The following LYRM2 variants were observed in gnomAD, a reference collection of about 807,000 sequenced individuals.
LYRM2 encodes the protein LYR motif containing 2.
A neutral mutation model predicts 11.6 loss-of-function variants in LYRM2; 8 were observed. That is an observed-to-expected ratio of 0.69 (90% CI 0.40 to 1.24). The LOEUF is 1.24. Among genes scored for constraint, LYRM2 ranks in the 50% most tolerant of loss-of-function variants. LYRM2 has a pLI of 0.01. For synonymous variants in LYRM2, 30 were observed against 36.4 expected, an observed-to-expected ratio of 0.83 and a Z score of 0.63; for missense variants, 117 against 102.9, an observed-to-expected ratio of 1.14 and a Z score of -0.59.
chr6:89,637,309 C>T lies in LYRM2; in HGVS notation c.231G>A (p.Lys77=). The change falls in exon 3 of 3, where the codon AAG becomes AAA. Residue 77 remains lysine, a synonymous_variant. Transcript: ENST00000523377. Reference sequence around the variant, plus strand: ...CTAAAGCAAGTGTTTTTTCTAACTCCTTGAGCTGCATATTGCCTTGAGTAA... The same window carrying T: ...CTAAAGCAAGTGTTTTTTCTAACTCTTTGAGCTGCATATTGCCTTGAGTAA... The part of the protein sequence containing the change: ...MMITQGNMQL[K]ELEKTLALAK... The T allele has an allele frequency of 6.2e-7, 1 of 1,603,524 alleles. No individual in the cohort carries two copies. The highest frequency in any genetic ancestry group is 8.5e-7 in the Non-Finnish European group (1 of 1,170,938).
At position 89,634,769 on chromosome 6, in the gene LYRM2, T is replaced by C. The variant is rs1477533485; in HGVS notation, c.*2504A>G. On this transcript the variant is annotated 3_prime_UTR_variant, in exon 3 of 3. Coordinates refer to ENST00000523377, the MANE Select transcript of LYRM2 (RefSeq NM_020466.5). Reference sequence around the variant, plus strand: ...TATGGCAATGCTTGTACCATGAATTTAAAACTTCTAACTTGATGGCACTTT... The same window carrying C: ...TATGGCAATGCTTGTACCATGAATTCAAAACTTCTAACTTGATGGCACTTT... 1 of 152,270 alleles carries C rather than the reference T, an allele frequency of 6.6e-6. No individual in the cohort carries two copies. Among genetic ancestry groups the C allele is most frequent in the East Asian group, 1.9e-4 (1 of 5,204 alleles). 9.4% of individuals were successfully genotyped at this position (152,270 alleles called of 1,614,324 possible).
chr6:89,636,571 CCCA>C lies in LYRM2; in HGVS notation c.*699_*701del, dbSNP rs1284407284. The C allele has an allele frequency of 6.6e-6, 1 of 152,186 alleles. No individual in the cohort carries two copies. Among genetic ancestry groups the C allele is most frequent in the Admixed American group, 6.5e-5 (1 of 15,280 alleles). 9.4% of individuals were successfully genotyped at this position (152,186 alleles called of 1,614,324 possible). A position where few individuals can be genotyped will look rare whatever the true frequency, so the allele number is the denominator to read the frequency against. On this transcript the variant is annotated 3_prime_UTR_variant, in exon 3 of 3. Coordinates refer to ENST00000523377, the MANE Select transcript of LYRM2 (RefSeq NM_020466.5). ...TGAAGTGGCTACACCATTTTACATT[CCCA>C]CCAGCAATGTATGAGGGTTCTGTAA...
Position 89,632,824 on chromosome 6 carries a change from T to TATC in LYRM2, c.*4446_*4448dup, listed in dbSNP as rs903902245. ...TTTCTAAATCTATTCTCAAACAGGA[T>TATC]ATCACTAACCTCTTTAGAATCATTC... On this transcript the variant is annotated 3_prime_UTR_variant, in exon 3 of 3. Coordinates refer to ENST00000523377, the MANE Select transcript of LYRM2 (RefSeq NM_020466.5). 13 of 152,210 alleles carry TATC rather than the reference T, an allele frequency of 8.5e-5. No homozygotes were observed. Among genetic ancestry groups the TATC allele is most frequent in the Non-Finnish European group, 1.6e-4 (11 of 68,026 alleles). 9.4% of individuals were successfully genotyped at this position (152,210 alleles called of 1,614,324 possible).
intron 1 of LYRM2, chr6:89,638,239 C>T: frequency 9.0e-7 from 1 of 1,107,182 alleles, no homozygotes; most frequent in Non-Finnish European, 1.1e-6. Flanking sequence ...TCTGTCAAAC[C>T]TAAGAACCAT....
At chr6:89,637,642 A>G in intron 2 of LYRM2, 100 bp downstream of exon 2, 1 of 1,114,466 alleles carries the variant, frequency 9.0e-7, no homozygotes. Flanking sequence ...ATACCAGCTC[A>G]GTGGCACTAT....
chr6:89,637,653 A>G, intron 2 of LYRM2, 89 bp downstream of exon 2: 2 of 1,325,618 alleles, frequency 1.5e-6, no homozygotes, highest in Non-Finnish European at 2.1e-6. Context: ...GTGGCACTAT[A>G]TTCCAAGATG....
chr6:89,637,764 C>G lies in LYRM2; in HGVS notation c.164G>C (p.Arg55Thr). 6.2e-7 allele frequency: 1 copy of G among 1,613,770 alleles called. No individual in the cohort carries two copies. The highest frequency in any genetic ancestry group is 8.5e-7 in the Non-Finnish European group (1 of 1,179,860). ...CACCTCTTCGGTGGCACTTTTGTTT[C>G]TTCTGAATTCTTCTCTTGCCCAATC... ...LKDWAREEFRRNKSATEEDTI... is the reference protein window; with the variant it reads ...LKDWAREEFRTNKSATEEDTI... Residue 55 changes from arginine to threonine, a missense_variant, in exon 2 of 3, where the codon AGA becomes ACA. Arg to Thr is a moderately conservative substitution (Grantham distance 71). Coordinates refer to ENST00000523377, the MANE Select transcript of LYRM2 (RefSeq NM_020466.5).
At position 89,636,203 on chromosome 6, in the gene LYRM2, A is replaced by G. The variant is rs976207255; in HGVS notation, c.*1070T>C. On this transcript the variant is annotated 3_prime_UTR_variant, in exon 3 of 3. Coordinates refer to ENST00000523377, the MANE Select transcript of LYRM2 (RefSeq NM_020466.5). ...AATGTACAGTTCAGTGGATTTGAAT[A>G]TATTCAAGAGTTGTGCAGCCTACAC... is the stretch of plus-strand genomic sequence containing the variant. 1.5e-4 allele frequency: 23 copies of G among 152,232 alleles called. No homozygotes were observed. The highest frequency in any genetic ancestry group is 5.1e-4 in the African/African-American group (21 of 41,460). 9.4% of individuals were successfully genotyped at this position (152,232 alleles called of 1,614,324 possible). A position where few individuals can be genotyped will look rare whatever the true frequency, so the allele number is the denominator to read the frequency against.
rs986959589 is a variant in LYRM2, at chr6:89,633,016, G to T, written c.*4257C>A. On this transcript the variant is annotated 3_prime_UTR_variant, in exon 3 of 3. Transcript: ENST00000523377. The stretch of plus-strand genomic sequence containing the variant: ...CTGAAAACTAAATTTTAAGTATCAA[G>T]TCTAGACCATAGAGTGCTTTGGTGG... 1 of 152,202 alleles carries T rather than the reference G, an allele frequency of 6.6e-6. No individual in the cohort carries two copies. Among genetic ancestry groups the T allele is most frequent in the African/African-American group, 2.4e-5 (1 of 41,458 alleles). The allele number at this position is 152,202 out of a possible 1,614,324, so 9.4% of individuals were successfully genotyped here.
At position 89,637,405 on chromosome 6, in the gene LYRM2, T is replaced by C. The variant is rs1304170960; in HGVS notation, c.187-52A>G. ...TAGTTTTACCTGGTTAAACAAGGTA[T>C]AGCTATACCATTTTATCTGTTAAAA... On this transcript the variant is annotated intron_variant, in intron 2 of 2. Coordinates refer to ENST00000523377, the MANE Select transcript of LYRM2 (RefSeq NM_020466.5). 2.6e-6 allele frequency: 3 copies of C among 1,140,672 alleles called. No individual in the cohort carries two copies. In the South Asian group the frequency reaches 4.0e-5, roughly 15 times the overall value. 70.7% of individuals were successfully genotyped at this position (1,140,672 alleles called of 1,614,324 possible). A position where few individuals can be genotyped will look rare whatever the true frequency, so the allele number is the denominator to read the frequency against.
Position 89,633,300 on chromosome 6 carries a change from C to G in LYRM2, c.*3973G>C, listed in dbSNP as rs973741021. 2.6e-5 allele frequency: 4 copies of G among 152,198 alleles called. No homozygotes were observed. Among genetic ancestry groups the G allele is most frequent in the Admixed American group, 6.5e-5 (1 of 15,282 alleles). The allele number at this position is 152,198 out of a possible 1,614,324, so 9.4% of individuals were successfully genotyped here. On this transcript the variant is annotated 3_prime_UTR_variant, in exon 3 of 3. Transcript: ENST00000523377. ...ACATCTATTAAGACCAATGCAATAC[C>G]TTTTCATCTTCAGCAAATGTTGTTT... is the stretch of plus-strand genomic sequence containing the variant.
intron 1 of LYRM2, chr6:89,638,453 T>A (rs1584060166): frequency 1.4e-6 from 2 of 1,458,934 alleles, no homozygotes; most frequent in Non-Finnish European, 1.8e-6. Flanking sequence ...ATCAAGCGCC[T>A]GACGCTGTCT....
chr6:89,632,387 A>T lies in LYRM2; in HGVS notation c.*4886T>A, dbSNP rs1421734401. ...AAAAGAAAAATAATTCAGTAGATAT[A>T]TGTCACTGTTACCTGAATATGGAAT... On this transcript the variant is annotated 3_prime_UTR_variant, in exon 3 of 3. Transcript: ENST00000523377. 3 of 152,194 alleles carry T rather than the reference A, an allele frequency of 2.0e-5. No individual in the cohort carries two copies. In the East Asian group the frequency reaches 5.8e-4, roughly 29 times the overall value. The allele number at this position is 152,194 out of a possible 1,614,324, so 9.4% of individuals were successfully genotyped here. A position where few individuals can be genotyped will look rare whatever the true frequency, so the allele number is the denominator to read the frequency against.
chr6:89,633,047 T>C lies in LYRM2; in HGVS notation c.*4226A>G, dbSNP rs1487579881. The C allele has an allele frequency of 6.6e-6, 1 of 152,220 alleles. No individual in the cohort carries two copies. Among genetic ancestry groups the C allele is most frequent in the Non-Finnish European group, 1.5e-5 (1 of 68,042 alleles). The allele number at this position is 152,220 out of a possible 1,614,324, so 9.4% of individuals were successfully genotyped here. A position where few individuals can be genotyped will look rare whatever the true frequency, so the allele number is the denominator to read the frequency against. On this transcript the variant is annotated 3_prime_UTR_variant, in exon 3 of 3. Transcript: ENST00000523377. The stretch of plus-strand genomic sequence containing the variant: ...ACCATAGAGTGCTTTGGTGGGAGTA[T>C]TTTGATTACCTCCTACCCATCAGAA...
intron 1 of LYRM2, chr6:89,638,438 G>C (rs778542224): frequency 6.9e-7 from 1 of 1,440,028 alleles, no homozygotes; most frequent in Non-Finnish European, 9.1e-7. Flanking sequence ...CCGGGACTCA[G>C]GGAAATCAAG....
chr6:89,638,227 G>A, intron 1 of LYRM2: 3 of 1,028,300 alleles, frequency 2.9e-6, no homozygotes, highest in Non-Finnish European at 3.6e-6. Context: ...TTTGCTTACT[G>A]CTCTGTCAAA....
rs1358060957 is a variant in LYRM2, at chr6:89,634,330, T to G, written c.*2943A>C. 8.5e-5 allele frequency: 13 copies of G among 152,156 alleles called. No individual in the cohort carries two copies. Among genetic ancestry groups the G allele is most frequent in the Non-Finnish European group, 1.5e-4 (10 of 68,022 alleles). 9.4% of individuals were successfully genotyped at this position (152,156 alleles called of 1,614,324 possible). On this transcript the variant is annotated 3_prime_UTR_variant, in exon 3 of 3. Transcript: ENST00000523377. ...AAATACTCTTTCCCTTTGATACGAC[T>G]ATAATATTATAAACAGCAAGGAATA...
Position 89,637,024 on chromosome 6 carries a change from C to A in LYRM2, c.*249G>T, listed in dbSNP as rs1036033565. On this transcript the variant is annotated 3_prime_UTR_variant, in exon 3 of 3. Transcript: ENST00000523377. ...ACACTTCCCTAATGATTGTGTCCAGCATCTACTGGCCATTTGTTAGTGGTT... is the reference window on the plus strand; with the variant it reads ...ACACTTCCCTAATGATTGTGTCCAGAATCTACTGGCCATTTGTTAGTGGTT... 2.8e-6 allele frequency: 1 copy of A among 357,686 alleles called. No individual in the cohort carries two copies. The highest frequency in any genetic ancestry group is 5.1e-6 in the Non-Finnish European group (1 of 195,792). The allele number at this position is 357,686 out of a possible 1,614,324, so 22.2% of individuals were successfully genotyped here.
chr6:89,638,271 C>T (rs1214240907), intron 1 of LYRM2: 14 of 1,142,282 alleles, frequency 1.2e-5, no homozygotes, highest in Non-Finnish European at 1.1e-6. Context: ...GAGCTGCCTA[C>T]CGGGCTGAAA....
Sources: allele counts gnomAD v4.1 joint callset, GRCh38; gene constraint gnomAD v4.1.1; transcripts MANE v1.5; gene names NCBI Gene and HGNC (gene_info 2026-07-23, HGNC 2026-07-21).